The following PTPRN2 variants were observed in gnomAD, a reference collection of about 807,000 sequenced individuals.
PTPRN2 encodes the protein receptor-type tyrosine-protein phosphatase N2.
PTPRN2 carries 74 observed loss-of-function variants against 118.8 expected under a neutral mutation model. The ratio of observed to expected loss-of-function variants is 0.62; its 90% CI spans 0.52 to 0.76. The LOEUF (loss-of-function observed/expected upper bound fraction) is 0.76, where lower values mean the gene tolerates loss of function less well. Among genes scored for constraint, PTPRN2 ranks in the 30% least tolerant of loss-of-function variants. The pLI, the probability that PTPRN2 is intolerant of heterozygous loss-of-function variation, is 0.00. For synonymous variants in PTPRN2, 641 were observed against 608.0 expected, an observed-to-expected ratio of 1.05 and a Z score of -0.80; for missense variants, 1,481 against 1,394.4, an observed-to-expected ratio of 1.06 and a Z score of -0.99.
At chr7:157,724,144 T>C (rs530910527) in intron 12 of PTPRN2, among the ~76,000 whole-genome samples, 5 of 152,182 alleles carry the variant, frequency 3.3e-5, no homozygotes, top group Non-Finnish European at 5.9e-5. Flanking sequence ...GTATCTGGAA[T>C]TTAGGCTTCC....
rs902169510 is a variant in PTPRN2, at chr7:158,546,817, A to G, written c.112+40741T>C. On this transcript the variant is annotated intron_variant, in intron 1 of 22. Coordinates refer to ENST00000389418, the MANE Select transcript of PTPRN2 (RefSeq NM_002847.5). This position sits in a 1 kb window ranked among gnomAD's most constrained non-coding sequence, Gnocchi z 5.0. The stretch of plus-strand genomic sequence containing the variant: ...CACGTATGCACCAACATGCAGATGC[A>G]CACACAGGGCATGGGCACTCCAGAG... Among the ~76,000 whole-genome samples the G allele has an allele frequency of 6.6e-6, 1 of 152,226 alleles. No homozygotes were observed. Among genetic ancestry groups the G allele is most frequent in the Admixed American group, 6.5e-5 (1 of 15,292 alleles).
chr7:158,243,065 A>C (rs2150861316), intron 3 of PTPRN2, among the ~76,000 whole-genome samples: 1 of 152,188 alleles, frequency 6.6e-6, no homozygotes, highest in Non-Finnish European at 1.5e-5. Context: ...CTTTGGGCTT[A>C]GTTTGTTCTT....
rs186771706 is a variant in PTPRN2 at position 158,128,730 on chromosome 7, C to T, written c.1556+4947G>A. Among the ~76,000 whole-genome samples, 149 of 152,230 alleles carry T rather than the reference C, an allele frequency of 9.8e-4. No homozygotes were observed. In the South Asian group the frequency reaches 0.01, roughly 11 times the overall value. On this transcript the variant is annotated intron_variant, in intron 9 of 22. Transcript: ENST00000389418. ...GGCCTCCTGCTCTCCGGGTGAACAC[C>T]TCGGCATCCATTTGGAAAGCCCTTA...
intron 3 of PTPRN2, among the ~76,000 whole-genome samples, chr7:158,273,421 C>T (rs371994966): frequency 5.3e-5 from 7 of 131,376 alleles, no homozygotes; most frequent in South Asian, 4.7e-4. Context: ...CAGACAGACG[C>T]GGGAGGAGCC....
chr7:157,914,827 C>A (rs1282041275), intron 11 of PTPRN2, among the ~76,000 whole-genome samples: 1 of 151,902 alleles, frequency 6.6e-6, no homozygotes, highest in Non-Finnish European at 1.5e-5. Flanking sequence ...ATGGCTCCTA[C>A]CCTTACTTTC....
At chr7:158,255,668 C>T (rs1330889666) in intron 3 of PTPRN2, among the ~76,000 whole-genome samples, 15 of 152,248 alleles carry the variant, frequency 9.9e-5, no homozygotes, top group Admixed American at 5.9e-4. Context: ...CTCACAGTTT[C>T]GAGGACTCCA....
chr7:158,154,447 A>C (rs1821516271), intron 6 of PTPRN2, among the ~76,000 whole-genome samples: 1 of 152,230 alleles, frequency 6.6e-6, no homozygotes, highest in African/African-American at 2.4e-5. Context: ...ACACCGCTGT[A>C]ACATTTAACA....
At chr7:157,646,829 G>T (rs1364020353) in intron 14 of PTPRN2, among the ~76,000 whole-genome samples, 8 of 152,258 alleles carry the variant, frequency 5.3e-5, no homozygotes, top group Admixed American at 1.3e-4. Flanking sequence ...CCACTGGGAG[G>T]TCAGACCCAT....
chr7:158,326,050 G>A (rs1803490590), intron 2 of PTPRN2, among the ~76,000 whole-genome samples: 2 of 152,186 alleles, frequency 1.3e-5, no homozygotes, highest in South Asian at 2.1e-4. Context: ...GGCTCAGGGC[G>A]CACTTTCCAG....
intron 3 of PTPRN2, among the ~76,000 whole-genome samples, chr7:158,296,711 A>G (rs1281225528): frequency 6.6e-6 from 1 of 152,138 alleles, no homozygotes; most frequent in African/African-American, 2.4e-5. Flanking sequence ...TGAAGAAGCA[A>G]CCCACTCCTC....
At position 158,225,606 on chromosome 7, in the gene PTPRN2, C is replaced by T. The variant is rs567780155; in HGVS notation, c.278-20333G>A. On this transcript the variant is annotated intron_variant, in intron 3 of 22. Coordinates refer to ENST00000389418, the MANE Select transcript of PTPRN2 (RefSeq NM_002847.5). ...TGCAGTCTAGTGTGGAATGCAGGTACGTAATTAGCTAAGATCCAAGTTGGA... is the reference window on the plus strand; with the variant it reads ...TGCAGTCTAGTGTGGAATGCAGGTATGTAATTAGCTAAGATCCAAGTTGGA... Among the ~76,000 whole-genome samples the T allele has an allele frequency of 3.9e-5, 6 of 152,116 alleles. No individual in the cohort carries two copies. The East Asian group carries it at 5.8e-4, about 15-fold the overall frequency.
At chr7:158,305,849 A>G (rs1801251439) in intron 3 of PTPRN2, among the ~76,000 whole-genome samples, 1 of 152,186 alleles carries the variant, frequency 6.6e-6, no homozygotes, top group African/African-American at 2.4e-5. Context: ...CTCAGCAAGA[A>G]CAGCGAACTT....
At chr7:157,998,977 T>C (rs1805005781) in intron 11 of PTPRN2, among the ~76,000 whole-genome samples, 1 of 152,074 alleles carries the variant, frequency 6.6e-6, no homozygotes, top group South Asian at 2.1e-4. Flanking sequence ...GCCAGGGGAC[T>C]GTGAGCTGCA....
At chr7:157,664,128 G>A (rs1005945420) in intron 13 of PTPRN2, among the ~76,000 whole-genome samples, 1 of 152,204 alleles carries the variant, frequency 6.6e-6, no homozygotes, top group Non-Finnish European at 1.5e-5. Context: ...GGGGGAGGGG[G>A]CCACACTCCT....
intron 14 of PTPRN2, among the ~76,000 whole-genome samples, chr7:157,654,664 C>T (rs1030268793): frequency 3.9e-5 from 6 of 152,184 alleles, no homozygotes; most frequent in African/African-American, 9.7e-5. Flanking sequence ...TCTGTCCTTG[C>T]GGTTTAGGCA....
chr7:157,741,273 A>G (rs1800618870), intron 12 of PTPRN2, among the ~76,000 whole-genome samples: 1 of 152,192 alleles, frequency 6.6e-6, no homozygotes, highest in African/African-American at 2.4e-5. Context: ...ACTGATTGCA[A>G]CATATCTTTA....
intron 15 of PTPRN2, among the ~76,000 whole-genome samples, chr7:157,612,417 GAC>G (rs1420493574): frequency 3.3e-5 from 5 of 151,968 alleles, no homozygotes; most frequent in Admixed American, 2.6e-4. Flanking sequence ...GCAAGACAGA[GAC>G]ACAAACGGCT....
intron 12 of PTPRN2, among the ~76,000 whole-genome samples, chr7:157,832,522 T>C (rs1377525952): frequency 6.6e-6 from 1 of 152,206 alleles, no homozygotes; most frequent in East Asian, 1.9e-4. Flanking sequence ...TTTGCCTGAC[T>C]GACCAACACA....
chr7:158,379,938 T>C (rs1485329051), intron 2 of PTPRN2, among the ~76,000 whole-genome samples: 1 of 152,098 alleles, frequency 6.6e-6, no homozygotes, highest in Non-Finnish European at 1.5e-5. Flanking sequence ...CAAAGAGAGC[T>C]TGTATGGGGA....
Sources: allele counts gnomAD v4.1 joint callset (sites outside exome capture counted in the v4.1 genomes callset), GRCh38; gene constraint gnomAD v4.1.1; non-coding constraint Gnocchi (gnomAD v3.1); transcripts MANE v1.5; gene names NCBI Gene and HGNC (gene_info 2026-07-23, HGNC 2026-07-21).